SALL3: variants seen among roughly 807,000 people sequenced by gnomAD.
The protein encoded by SALL3 is spalt like transcription factor 3.
SALL3 carries 25 observed loss-of-function variants against 66.2 expected under a neutral mutation model. The ratio of observed to expected loss-of-function variants is 0.38; its 90% CI spans 0.28 to 0.53. The LOEUF (loss-of-function observed/expected upper bound fraction) is 0.53, where lower values mean the gene tolerates loss of function less well. Ranked by LOEUF, SALL3 falls within the 20% of genes least tolerant of loss-of-function variation. The probability of loss-of-function intolerance (pLI) is 0.85; values close to 1 mark genes in which losing one functional copy is unlikely to be tolerated. For synonymous variants in SALL3, 1,152 were observed against 899.1 expected, an observed-to-expected ratio of 1.28 and a Z score of -5.03; for missense variants, 2,194 against 1,916.5, an observed-to-expected ratio of 1.14 and a Z score of -2.70.
In SALL3 at chr18:78,994,769, G is replaced by A. The variant is rs1310833601; in HGVS notation, c.2778G>A (p.Glu926=). 6.9e-6 allele frequency: 11 copies of A among 1,599,924 alleles called. No homozygotes were observed. Among genetic ancestry groups the A allele is most frequent in the Non-Finnish European group, 7.6e-6 (9 of 1,177,114 alleles). The change falls in exon 2 of 3, where the codon GAG becomes GAA. Residue 926 remains glutamate (E), a synonymous_variant. Transcript: ENST00000537592. Reference sequence around the variant, plus strand: ...AGTCCCCGGGCCTGGGCGCCCCGGAGGAGCCCCAGGAAATCCCGCTCAAGA... The same window carrying A: ...AGTCCCCGGGCCTGGGCGCCCCGGAAGAGCCCCAGGAAATCCCGCTCAAGA... The part of the protein sequence containing the change: ...RSKSPGLGAP[E]EPQEIPLKTE...
Position 78,992,406 on chromosome 18 carries a change from G to T in SALL3, c.415G>T (p.Ala139Ser). Residue 139 changes from alanine (A) to serine (S), a missense_variant, in exon 2 of 3, where the codon GCG (alanine) becomes TCG (serine). By Grantham distance (99) the Ala-to-Ser change is moderately conservative. Coordinates refer to ENST00000537592, the MANE Select transcript of SALL3 (RefSeq NM_171999.4). Reference sequence around the variant, plus strand: ...GGCCGAGCCCATGGACGCGGAACCCGCGGGGGACACGCGCGCGCCCCGGCC... The same window carrying T: ...GGCCGAGCCCATGGACGCGGAACCCTCGGGGGACACGCGCGCGCCCCGGCC... ...KEAEPMDAEP[A>S]GDTRAPRPPP... is the part of the protein sequence containing the mutation. The T allele has an allele frequency of 7.5e-7, 1 of 1,329,402 alleles. No individual in the cohort carries two copies. The highest frequency in any genetic ancestry group is 9.5e-7 in the Non-Finnish European group (1 of 1,047,620). The allele number at this position is 1,329,402 out of a possible 1,614,324, so 82.4% of individuals were successfully genotyped here. A position where few individuals can be genotyped will look rare whatever the true frequency, so the allele number is the denominator to read the frequency against.
At chr18:78,987,316 C>T (rs1914277430) in intron 1 of SALL3, among the ~76,000 whole-genome samples, 1 of 152,150 alleles carries the variant, frequency 6.6e-6, no homozygotes, top group South Asian at 2.1e-4. Context: ...TCCTTTCACA[C>T]CAAGAGTCAC....
At position 78,995,356 on chromosome 18, in the gene SALL3, T is replaced by C. The variant is rs765005577; in HGVS notation, c.3365T>C (p.Phe1122Ser). Residue 1122 changes from phenylalanine to serine, a missense_variant, in exon 2 of 3, where the codon TTC becomes TCC. Physicochemically the swap from Phe to Ser is radical, Grantham distance 155. Coordinates refer to ENST00000537592, the MANE Select transcript of SALL3 (RefSeq NM_171999.4). The stretch of plus-strand genomic sequence containing the variant: ...AACTGCCAGTCGTGCGGGAAGACCT[T>C]CTCCTCGGCCAGCGCCCTGCAGATC... ...QHNCQSCGKT[F>S]SSASALQIHE... 10 of 1,576,600 alleles carry C rather than the reference T, an allele frequency of 6.3e-6. No homozygotes were observed. The highest frequency in any genetic ancestry group is 5.7e-5 in the South Asian group (5 of 88,022).
At position 78,981,042 on chromosome 18, in the gene SALL3, T is replaced by C. The variant is rs1410801640; in HGVS notation, c.82+686T>C. ...CGTTGCAGCGTCTGCGCGGGCCTTTTCTCTCCCGTCTTTTTGGATCCGCCG... is the reference window on the plus strand; with the variant it reads ...CGTTGCAGCGTCTGCGCGGGCCTTTCCTCTCCCGTCTTTTTGGATCCGCCG... On this transcript the variant is annotated intron_variant, in intron 1 of 2. Transcript: ENST00000537592. Among the ~76,000 whole-genome samples, 11 of 152,190 alleles carry C rather than the reference T, an allele frequency of 7.2e-5. No individual in the cohort carries two copies. In the South Asian group the frequency reaches 2.1e-3, roughly 29 times the overall value.
rs1040981618 is a variant in SALL3 at position 78,979,992 on chromosome 18, C to T, written c.-283C>T. Reference sequence around the variant, plus strand: ...CGCCGGGCAGCGCGCGCCCCGGTCCCGAGGCGCCGCGGCCCCCTCCTCGTC... The same window carrying T: ...CGCCGGGCAGCGCGCGCCCCGGTCCTGAGGCGCCGCGGCCCCCTCCTCGTC... On this transcript the variant is annotated 5_prime_UTR_variant, in exon 1 of 3. Coordinates refer to ENST00000537592, the MANE Select transcript of SALL3 (RefSeq NM_171999.4). Among the ~76,000 whole-genome samples, 1 of 145,172 alleles carries T rather than the reference C, an allele frequency of 6.9e-6. No individual in the cohort carries two copies. The highest frequency in any genetic ancestry group is 1.5e-5 in the Non-Finnish European group (1 of 65,362).
chr18:78,994,976 C>T lies in SALL3; in HGVS notation c.2985C>T (p.His995=), dbSNP rs1322455447. ...PFACKSALEI[H]YRSHTKERPF... Reference sequence around the variant, plus strand: ...CTTGCAAGAGCGCGTTGGAAATCCACTACCGCAGCCATACTAAGGAGCGGC... The same window carrying T: ...CTTGCAAGAGCGCGTTGGAAATCCATTACCGCAGCCATACTAAGGAGCGGC... Residue 995 remains histidine (H), a synonymous_variant, in exon 2 of 3, where the codon CAC becomes CAT. Transcript: ENST00000537592. 6.2e-7 allele frequency: 1 copy of T among 1,613,776 alleles called. No homozygotes were observed. The highest frequency in any genetic ancestry group is 1.1e-5 in the South Asian group (1 of 91,092).
Position 78,993,546 on chromosome 18 carries a change from CTGCCCACCG to C in SALL3, c.1563_1571del (p.Val522_Thr524del), listed in dbSNP as rs1358641542. 2 of 1,594,246 alleles carry C rather than the reference CTGCCCACCG, an allele frequency of 1.3e-6. No homozygotes were observed. The highest frequency in any genetic ancestry group is 1.7e-6 in the Non-Finnish European group (2 of 1,173,654). On this transcript the variant is annotated inframe_deletion, in exon 2 of 3. Coordinates refer to ENST00000537592, the MANE Select transcript of SALL3 (RefSeq NM_171999.4). ...CACCTGGCTGGACAGCAAGCCCGTG[CTGCCCACCG>C]TGCCCACGTCCGTGGGGCTGCAACT...
intron 1 of SALL3, among the ~76,000 whole-genome samples, chr18:78,989,322 C>A (rs35458092): frequency 6.6e-6 from 1 of 151,988 alleles, no homozygotes; most frequent in African/African-American, 2.4e-5. Context: ...TGTAAAAATG[C>A]AAATTGTTAA....
rs763170221 is a variant in SALL3, at chr18:78,980,371, T to G, written c.82+15T>G. On this transcript the variant is annotated intron_variant, in intron 1 of 2. Coordinates refer to ENST00000537592, the MANE Select transcript of SALL3 (RefSeq NM_171999.4). ...TCCCGAGCACGGTGAGGGCCGGGGC[T>G]GCGGGGTGGCCGGGGGGTCTGGGGC... 4.2e-5 allele frequency: 59 copies of G among 1,397,456 alleles called. 2 individuals carry two copies. In the South Asian group the frequency reaches 8.2e-4, roughly 20 times the overall value. The allele number at this position is 1,397,456 out of a possible 1,614,324, so 86.6% of individuals were successfully genotyped here. A position where few individuals can be genotyped will look rare whatever the true frequency, so the allele number is the denominator to read the frequency against.
At chr18:78,995,666 T>A (rs1276973165) in intron 2 of SALL3, among the ~76,000 whole-genome samples, 2 of 150,146 alleles carry the variant, frequency 1.3e-5, no homozygotes, top group African/African-American at 2.5e-5. Flanking sequence ...TGTGGGTGAG[T>A]AGCGTGTACC....
Position 78,994,005 on chromosome 18 carries a change from G to A in SALL3, c.2014G>A (p.Asp672Asn). 1 of 1,612,408 alleles carries A rather than the reference G, an allele frequency of 6.2e-7. No individual in the cohort carries two copies. The highest frequency in any genetic ancestry group is 8.5e-7 in the Non-Finnish European group (1 of 1,179,748). Residue 672 changes from aspartate (D) to asparagine (N), a missense_variant, in exon 2 of 3, where the codon GAC (aspartate) becomes AAC (asparagine). Coordinates refer to ENST00000537592, the MANE Select transcript of SALL3 (RefSeq NM_171999.4). ...SKLQQLVENI[D>N]KKMTDPNQCV... ...GCTGCAGCAGCTGGTGGAGAACATC[G>A]ACAAGAAGATGACGGACCCGAACCA...
chr18:78,984,625 TA>T (rs34822006), intron 1 of SALL3, among the ~76,000 whole-genome samples: 6,090 of 147,792 alleles, frequency 0.041, 154 homozygotes, highest in African/African-American at 0.053. Context: ...AACTTTTATT[TA>T]AAAAAAAAAA....
At position 78,994,762 on chromosome 18, in the gene SALL3, C is replaced by T. The variant is rs768889887; in HGVS notation, c.2771C>T (p.Ala924Val). The T allele has an allele frequency of 1.2e-5, 20 of 1,600,164 alleles. No individual in the cohort carries two copies. The highest frequency in any genetic ancestry group is 1.7e-5 in the Non-Finnish European group (20 of 1,177,640). ...SFRSKSPGLG[A>V]PEEPQEIPLK... ...CGCTCCAAGTCCCCGGGCCTGGGCG[C>T]CCCGGAGGAGCCCCAGGAAATCCCG... The change falls in exon 2 of 3, where the codon GCC becomes GTC. Residue 924 changes from alanine (A) to valine (V), a missense_variant. By Grantham distance (64) the Ala-to-Val change is moderately conservative. Coordinates refer to ENST00000537592, the MANE Select transcript of SALL3 (RefSeq NM_171999.4).
chr18:78,990,586 A>G lies in SALL3; in HGVS notation c.83-1488A>G, dbSNP rs1305502491. Among the ~76,000 whole-genome samples the G allele has an allele frequency of 4.6e-5, 7 of 152,386 alleles. No homozygotes were observed. In the South Asian group the frequency reaches 1.0e-3, roughly 23 times the overall value. On this transcript the variant is annotated intron_variant, in intron 1 of 2. Transcript: ENST00000537592. ...TTATTCTTTTTCCAGAACCCTAAACATCAACAACAAATGTGGAGCTTTTTA... is the reference window on the plus strand; with the variant it reads ...TTATTCTTTTTCCAGAACCCTAAACGTCAACAACAAATGTGGAGCTTTTTA...
At chr18:78,984,518 G>A (rs1223121269) in intron 1 of SALL3, among the ~76,000 whole-genome samples, 1 of 152,050 alleles carries the variant, frequency 6.6e-6, no homozygotes, top group Non-Finnish European at 1.5e-5. Context: ...GTCTTGGAAG[G>A]ACAGGTTTGT....
chr18:78,996,114 C>T (rs766604654), intron 2 of SALL3, among the ~76,000 whole-genome samples: 2 of 152,198 alleles, frequency 1.3e-5, no homozygotes, highest in Non-Finnish European at 2.9e-5. Flanking sequence ...GCCAAAAGGG[C>T]CCATGGGAGG....
Position 78,994,567 on chromosome 18 carries a change from T to C in SALL3, c.2576T>C (p.Leu859Pro). The change falls in exon 2 of 3, where the codon CTG becomes CCG. Residue 859 changes from leucine (L) to proline (P), a missense_variant. Transcript: ENST00000537592. ...MIDSVMSCQQ[L>P]TGLKSVENGS... The stretch of plus-strand genomic sequence containing the variant: ...GACTCGGTCATGAGCTGCCAGCAGC[T>C]GACCGGCCTCAAGTCCGTGGAGAAC... The C allele has an allele frequency of 6.2e-7, 1 of 1,608,670 alleles. No individual in the cohort carries two copies. The highest frequency in any genetic ancestry group is 8.5e-7 in the Non-Finnish European group (1 of 1,178,434).
Position 78,993,102 on chromosome 18 carries a change from G to A in SALL3, c.1111G>A (p.Val371Ile), listed in dbSNP as rs765822599. ...TCTACCTCAGACTTCCGCCAGCGGC[G>A]TCATCTTCCCCAACCCGCTGGTCAG... The part of the protein sequence containing the change: ...PLLPQTSASG[V>I]IFPNPLVSIA... The change falls in exon 2 of 3, where the codon GTC (valine) becomes ATC (isoleucine). Residue 371 changes from valine to isoleucine, a missense_variant. Transcript: ENST00000537592. The A allele has an allele frequency of 5.6e-6, 9 of 1,602,052 alleles. No individual in the cohort carries two copies. In the Admixed American group the frequency reaches 6.7e-5, roughly 12 times the overall value.
Position 78,997,445 on chromosome 18 carries a change from C to A in SALL3, c.*123C>A. ...CCATAGCAGAAAACACTTTGTGCGG[C>A]TGCCGAGAGGTGGTCTTGTAAGCGC... On this transcript the variant is annotated 3_prime_UTR_variant, in exon 3 of 3. Coordinates refer to ENST00000537592, the MANE Select transcript of SALL3 (RefSeq NM_171999.4). The A allele has an allele frequency of 1.0e-6, 1 of 997,406 alleles. No homozygotes were observed. The highest frequency in any genetic ancestry group is 1.5e-6 in the Non-Finnish European group (1 of 672,614). The allele number at this position is 997,406 out of a possible 1,614,324, so 61.8% of individuals were successfully genotyped here. A position where few individuals can be genotyped will look rare whatever the true frequency, so the allele number is the denominator to read the frequency against.
Sources: gnomAD v4.1 joint callset for allele counts (sites outside exome capture counted in the v4.1 genomes callset) on GRCh38, gnomAD v4.1.1 for gene constraint, MANE v1.5 for transcripts, NCBI Gene and HGNC (gene_info 2026-07-23, HGNC 2026-07-21) for gene names.